Variants in USP22 observed in about 807,000 individuals in gnomAD.
The protein encoded by USP22 is ubiquitin carboxyl-terminal hydrolase 22.
Under a neutral mutation model 68.1 loss-of-function variants are expected in USP22, and 22 were observed. That is an observed-to-expected ratio of 0.32 (90% confidence interval 0.23 to 0.46). USP22 has a LOEUF of 0.46. USP22 is among the 20% of genes least tolerant of loss of function. The pLI is 1.00. For synonymous variants in USP22, 279 were observed against 274.2 expected (o/e 1.02, Z -0.17); for missense variants, 433 against 695.8 (o/e 0.62, Z 4.25).
Position 21,004,277 on chromosome 17 carries a change from T to A in USP22, c.1460A>T (p.His487Leu). 1 of 1,614,204 alleles carries A rather than the reference T, an allele frequency of 6.2e-7. No homozygotes were observed. Among genetic ancestry groups the A allele is most frequent in the Non-Finnish European group, 8.5e-7 (1 of 1,180,036 alleles). ...SGHYTSFIRQ[H>L]KDQWFKCDDA... The stretch of plus-strand genomic sequence containing the variant: ...GTCACACTTGAACCACTGGTCTTTG[T>A]GCTGCCGGATAAAGCTGGTGTAGTG... Residue 487 changes from histidine (H) to leucine (L), a missense_variant, in exon 12 of 13, where the codon CAC becomes CTC. His to Leu is a moderately conservative substitution (Grantham distance 99). Around this residue, in one of 4 missense-constraint regions of USP22, gnomAD observed 178 missense variants for 351.5 expected, o/e 0.51. Coordinates refer to ENST00000261497, the MANE Select transcript of USP22 (RefSeq NM_015276.2).
intron 1 of USP22, among the ~76,000 whole-genome samples, chr17:21,029,408 T>A (rs947298595): frequency 1.3e-5 from 2 of 152,236 alleles, no homozygotes; most frequent in Admixed American, 6.5e-5. Flanking sequence ...ACCTACTATG[T>A]ACCCATCAGA....
chr17:21,026,124 G>A (rs1216373414), intron 2 of USP22, among the ~76,000 whole-genome samples: 1 of 152,204 alleles, frequency 6.6e-6, no homozygotes, highest in Non-Finnish European at 1.5e-5. Context: ...TGGGCATGTT[G>A]GTGTGCGTCT....
chr17:21,012,919 C>G lies in USP22; in HGVS notation c.855G>C (p.Lys285Asn). 6.2e-7 allele frequency: 1 copy of G among 1,613,992 alleles called. No individual in the cohort carries two copies. Among genetic ancestry groups the G allele is most frequent in the African/African-American group, 1.3e-5 (1 of 74,964 alleles). ...TGCAGTGGTTGGGGTTGTTGGCCTT[C>G]TTCCCATTGTCATCACCTGGAGACA... ...HRHCKGDDNG[K>N]KANNPNHCNC... The change falls in exon 7 of 13, where the codon AAG becomes AAC. Residue 285 changes from lysine to asparagine, a missense_variant. This residue lies in a region of USP22 where 178 missense variants were observed against 351.5 expected (regional missense o/e 0.51). Transcript: ENST00000261497.
intron 8 of USP22, among the ~76,000 whole-genome samples, chr17:21,009,584 C>T (rs181192770): frequency 5.9e-5 from 9 of 152,268 alleles, no homozygotes; most frequent in Admixed American, 1.3e-4. Context: ...TACCTCATGG[C>T]CTGCTGTTTT....
intron 2 of USP22, among the ~76,000 whole-genome samples, chr17:21,026,624 C>T (rs1446936515): frequency 2.6e-5 from 4 of 151,342 alleles, no homozygotes; most frequent in African/African-American, 9.7e-5. Context: ...CCGCTCCTCC[C>T]TCATCTCACT....
chr17:21,023,644 CA>C (rs57776078), intron 2 of USP22, among the ~76,000 whole-genome samples: 2,259 of 106,808 alleles, frequency 0.021, 57 homozygotes, highest in African/African-American at 0.064. Context: ...GACTATGTCT[CA>C]AAAAAAAAAA....
At chr17:21,041,144 A>C (rs55675922) in intron 1 of USP22, among the ~76,000 whole-genome samples, 24,015 of 151,498 alleles carry the variant, frequency 0.16, 2,395 homozygotes, top group South Asian at 0.24. Context: ...CGGCCTCCCC[A>C]CGTGCTGGGA....
Position 21,040,813 on chromosome 17 carries a change from C to T in USP22, c.171+1852G>A, listed in dbSNP as rs969710798. ...GTAACAAATCTTGGGCGCGTCACGT[C>T]CCAATCCGGACACTACTGACCCAGA... On this transcript the variant is annotated intron_variant, in intron 1 of 12. Coordinates refer to ENST00000261497, the MANE Select transcript of USP22 (RefSeq NM_015276.2). Among the ~76,000 whole-genome samples, 5 of 152,136 alleles carry T rather than the reference C, an allele frequency of 3.3e-5. No individual in the cohort carries two copies. In the East Asian group the frequency reaches 9.7e-4, roughly 29 times the overall value.
In USP22 at chr17:21,001,600, T is replaced by C. The variant is rs1913578925; in HGVS notation, c.*1431A>G. The C allele has an allele frequency of 1.3e-5, 2 of 152,352 alleles. No individual in the cohort carries two copies. The highest frequency in any genetic ancestry group is 4.1e-4 in the South Asian group (2 of 4,830). The allele number at this position is 152,352 out of a possible 1,614,324, so 9.4% of individuals were successfully genotyped here. On this transcript the variant is annotated 3_prime_UTR_variant, in exon 13 of 13. Transcript: ENST00000261497. ...CACAGAGCCAACAGTGTTTACTCCC[T>C]GGCTGTCTATGAAAACATCTGCCCA...
chr17:21,009,888 G>A (rs1463048589), intron 8 of USP22, among the ~76,000 whole-genome samples: 1 of 151,912 alleles, frequency 6.6e-6, no homozygotes, highest in African/African-American at 2.4e-5. Context: ...CTGGGAGGTG[G>A]AGGTTGCAGT....
intron 11 of USP22, 28 bp downstream of exon 11, chr17:21,004,900 G>C (rs1458637223): frequency 2.5e-6 from 4 of 1,613,302 alleles, no homozygotes; most frequent in Non-Finnish European, 3.4e-6. Context: ...AGAGGCCCTG[G>C]ACACCCACAC....
chr17:21,027,105 T>C (rs1972230203), intron 2 of USP22, among the ~76,000 whole-genome samples: 1 of 151,332 alleles, frequency 6.6e-6, no homozygotes, highest in South Asian at 2.1e-4. Flanking sequence ...ACAAAAAATT[T>C]TTCAACACAG....
intron 1 of USP22, among the ~76,000 whole-genome samples, chr17:21,039,865 C>A (rs1265512956): frequency 6.6e-6 from 1 of 152,144 alleles, no homozygotes; most frequent in African/African-American, 2.4e-5. Flanking sequence ...TACAGTGGCA[C>A]AATCATCAGC....
intron 2 of USP22, among the ~76,000 whole-genome samples, chr17:21,023,045 A>G (rs1972176390): frequency 6.6e-6 from 1 of 152,234 alleles, no homozygotes; most frequent in South Asian, 2.1e-4. Context: ...ATGGAGCTGG[A>G]GGTCATTATC....
chr17:21,008,336 C>CA (rs1913841736), intron 8 of USP22, among the ~76,000 whole-genome samples: 1 of 152,140 alleles, frequency 6.6e-6, no homozygotes, highest in Non-Finnish European at 1.5e-5. Flanking sequence ...GAATGTTACT[C>CA]ACGAGAGTCA....
chr17:21,015,731 G>T (rs1243726513), intron 6 of USP22, 21 bp downstream of exon 6: 3 of 1,597,474 alleles, frequency 1.9e-6, no homozygotes, highest in Admixed American at 1.7e-5. Context: ...CCTGGTGGAG[G>T]GTGCAGAGCC....
At chr17:21,041,474 T>G (rs1033080981) in intron 1 of USP22, among the ~76,000 whole-genome samples, 3 of 152,064 alleles carry the variant, frequency 2.0e-5, no homozygotes, top group African/African-American at 7.2e-5. Flanking sequence ...AGCAGGAGCC[T>G]GTAATCCCAG....
At position 21,001,635 on chromosome 17, in the gene USP22, C is replaced by G. The variant is rs911534481; in HGVS notation, c.*1396G>C. The G allele has an allele frequency of 4.0e-5, 6 of 150,174 alleles. No individual in the cohort carries two copies. The highest frequency in any genetic ancestry group is 1.5e-4 in the African/African-American group (6 of 39,534). The allele number at this position is 150,174 out of a possible 1,614,324, so 9.3% of individuals were successfully genotyped here. On this transcript the variant is annotated 3_prime_UTR_variant, in exon 13 of 13. Transcript: ENST00000261497. ...TGAAAACATCTGCCCACCGCTGAGA[C>G]AGATGATCCTGTTCCTGCAGGACTG...
Position 21,033,088 on chromosome 17 carries a change from C to T in USP22, c.172-4414G>A, listed in dbSNP as rs578248627. Among the ~76,000 whole-genome samples the T allele has an allele frequency of 2.1e-4, 32 of 152,084 alleles. No individual in the cohort carries two copies. In the South Asian group the frequency reaches 6.2e-3, roughly 30 times the overall value. On this transcript the variant is annotated intron_variant, in intron 1 of 12. Coordinates refer to ENST00000261497, the MANE Select transcript of USP22 (RefSeq NM_015276.2). The stretch of plus-strand genomic sequence containing the variant: ...GGGGCATCCACAGGCTGACATGGAC[C>T]GTGGAGGGGTGGCACTGTTTAAGCA...
Sources: gnomAD v4.1 joint callset for allele counts (sites outside exome capture counted in the v4.1 genomes callset) on GRCh38, gnomAD v4.1.1 for gene constraint, gnomAD v4.1.1 regional missense constraint, MANE v1.5 for transcripts, NCBI Gene and HGNC (gene_info 2026-07-23, HGNC 2026-07-21) for gene names.